Variants in GATB observed in about 807,000 individuals in gnomAD.
The protein encoded by GATB is glutamyl-tRNA(Gln) amidotransferase subunit B, mitochondrial.
Under a neutral mutation model 62.3 loss-of-function variants are expected in GATB, and 39 were observed. The observed-to-expected ratio is 0.63, with a 90% CI of 0.48 to 0.82. The LOEUF is 0.82. Among genes scored for constraint, GATB ranks in the 40% least tolerant of loss-of-function variants. The probability of loss-of-function intolerance (pLI) is 0.00; values close to 1 mark genes in which losing one functional copy is unlikely to be tolerated. For synonymous variants in GATB, 276 were observed against 258.9 expected (o/e 1.07, Z -0.63); for missense variants, 670 against 684.0 (o/e 0.98, Z 0.23).
chr4:151,701,601 T>C (rs1738608050), intron 8 of GATB, 83 bp from the exon 9 acceptor site: 1 of 998,658 alleles, frequency 1.0e-6, no homozygotes, highest in African/African-American at 1.7e-5. Flanking sequence ...AATATGAATG[T>C]TTCTGTGTTT....
intron 2 of GATB, chr4:151,720,626 C>A (rs1204889289): frequency 6.6e-6 from 1 of 152,168 alleles, no homozygotes; most frequent in Non-Finnish European, 1.5e-5. Flanking sequence ...TCCACATCCA[C>A]CATTTTATTT....
At chr4:151,703,786 A>T in intron 8 of GATB, 65 bp downstream of exon 8, 1 of 1,123,928 alleles carries the variant, frequency 8.9e-7, no homozygotes, top group Non-Finnish European at 1.4e-6. Flanking sequence ...GTTGAACTTT[A>T]AATGAACTTG....
chr4:151,701,455 A>C lies in GATB; in HGVS notation c.1071T>G (p.Gly357=). The change falls in exon 9 of 13, where the codon GGT becomes GGG. Residue 357 remains glycine (G), a synonymous_variant. Coordinates refer to ENST00000263985, the MANE Select transcript of GATB (RefSeq NM_004564.3). The part of the protein sequence containing the change: ...VLYDATSLPA[G]ADPQQVINID... ...TATTGATCACTTGCTGTGGGTCTGC[A>C]CCTGCGGGCAGAGATGTGGCGTCGT... is the stretch of plus-strand genomic sequence containing the variant. 1 of 1,600,542 alleles carries C rather than the reference A, an allele frequency of 6.2e-7. No individual in the cohort carries two copies.
intron 5 of GATB, among the ~76,000 whole-genome samples, chr4:151,712,320 A>C (rs986408268): frequency 2.6e-5 from 4 of 152,216 alleles, no homozygotes; most frequent in Non-Finnish European, 5.9e-5. Context: ...TCAAGTGCAC[A>C]AAAGCTTTAC....
chr4:151,745,659 ATCACATCATATTTAT>A (rs1314953449), intron 2 of GATB, among the ~76,000 whole-genome samples: 1 of 152,246 alleles, frequency 6.6e-6, no homozygotes, highest in Non-Finnish European at 1.5e-5. Flanking sequence ...GAGGGCAGGC[ATCACATCATATTTAT>A]TCACATCATA....
At chr4:151,757,698 C>T (rs1347517842) in intron 2 of GATB, among the ~76,000 whole-genome samples, 2 of 152,070 alleles carry the variant, frequency 1.3e-5, no homozygotes, top group East Asian at 1.9e-4. Flanking sequence ...AGGATGGTCT[C>T]GATCTCCTGA....
chr4:151,691,577 C>A (rs1738366718), intron 9 of GATB: 1 of 152,212 alleles, frequency 6.6e-6, no homozygotes, highest in African/African-American at 2.4e-5. Flanking sequence ...ACCACCACTG[C>A]CTGCTCAGGG....
chr4:151,673,011 T>G, intron 11 of GATB, 115 bp from the exon 12 acceptor site: 1 of 1,311,466 alleles, frequency 7.6e-7, no homozygotes, highest in East Asian at 2.4e-5. Flanking sequence ...TTCAATTAAG[T>G]CCCCACTGCC....
chr4:151,699,111 C>T (rs1051351589), intron 9 of GATB, among the ~76,000 whole-genome samples: 4 of 152,102 alleles, frequency 2.6e-5, no homozygotes, highest in African/African-American at 4.8e-5. Context: ...TGAACCAGGC[C>T]GGGTGTGGTG....
chr4:151,672,620 A>G lies in GATB; in HGVS notation c.1545+142T>C. On this transcript the variant is annotated intron_variant, in intron 12 of 12. Transcript: ENST00000263985. ...TCATCTCTTCTGACCTTAACTAAAA[A>G]GATGACAGTGAGGGAATTATTGATG... 3 of 810,980 alleles carry G rather than the reference A, an allele frequency of 3.7e-6. No homozygotes were observed. In the South Asian group the frequency reaches 5.7e-5, roughly 15 times the overall value. 50.2% of individuals were successfully genotyped at this position (810,980 alleles called of 1,614,324 possible).
intron 2 of GATB, among the ~76,000 whole-genome samples, chr4:151,754,748 T>C (rs1560868026): frequency 6.6e-6 from 1 of 152,230 alleles, no homozygotes; most frequent in Non-Finnish European, 1.5e-5. Flanking sequence ...GCCTTCTTTT[T>C]CGCAATAAAA....
chr4:151,760,581 G>A (rs1282450460), intron 1 of GATB, among the ~76,000 whole-genome samples: 2 of 152,100 alleles, frequency 1.3e-5, no homozygotes, highest in African/African-American at 4.8e-5. Context: ...TTTTACACTC[G>A]CGAATTCCCC....
intron 9 of GATB, among the ~76,000 whole-genome samples, chr4:151,697,967 A>ATATG (rs1553967154): frequency 9.8e-6 from 1 of 101,818 alleles, no homozygotes; most frequent in African/African-American, 5.2e-5. Context: ...ATATATATAT[A>ATATG]TATATATATA....
intron 2 of GATB, among the ~76,000 whole-genome samples, chr4:151,750,839 G>T (rs1455479563): frequency 1.3e-5 from 2 of 148,678 alleles, no homozygotes; most frequent in East Asian, 2.0e-4. Context: ...TCACCATGTT[G>T]CCCAGGCTGG....
rs770463673 is a variant in GATB at position 151,703,914 on chromosome 4, A to G, written c.963-19T>C. On this transcript the variant is annotated intron_variant, in intron 7 of 12. Coordinates refer to ENST00000263985, the MANE Select transcript of GATB (RefSeq NM_004564.3). ...GGTGCACCTGCAATAGTTAAATAAG[A>G]AAACATTAAACATTGAAAGCAGCAC... 5 of 1,588,574 alleles carry G rather than the reference A, an allele frequency of 3.1e-6. No homozygotes were observed. In the East Asian group the frequency reaches 1.1e-4, roughly 35 times the overall value.
At chr4:151,732,973 G>T (rs931135089) in intron 2 of GATB, among the ~76,000 whole-genome samples, 19 of 151,954 alleles carry the variant, frequency 1.3e-4, no homozygotes, top group Admixed American at 1.2e-3. Context: ...CTAAGAAGGT[G>T]TTAGGAGGAA....
intron 2 of GATB, among the ~76,000 whole-genome samples, chr4:151,753,332 A>G (rs1398543808): frequency 1.3e-5 from 2 of 152,060 alleles, no homozygotes; most frequent in Non-Finnish European, 2.9e-5. Context: ...CTTCCACAAT[A>G]CTTGACGCCC....
intron 11 of GATB, among the ~76,000 whole-genome samples, chr4:151,679,403 C>G (rs1303606378): frequency 6.6e-6 from 1 of 152,166 alleles, no homozygotes; most frequent in African/African-American, 2.4e-5. Context: ...CTGAGGGCAA[C>G]CATGCAGCAG....
intron 8 of GATB, among the ~76,000 whole-genome samples, chr4:151,702,134 A>C (rs1030132088): frequency 1.3e-5 from 2 of 152,248 alleles, no homozygotes; most frequent in African/African-American, 2.4e-5. Flanking sequence ...ATCCATATGT[A>C]TGCAGGACTA....
Sources: gnomAD v4.1 joint callset for allele counts (sites outside exome capture counted in the v4.1 genomes callset) on GRCh38, gnomAD v4.1.1 for gene constraint, MANE v1.5 for transcripts, NCBI Gene and HGNC (gene_info 2026-07-23, HGNC 2026-07-21) for gene names.